UHRF2: variants seen among roughly 807,000 people sequenced by gnomAD.
UHRF2 encodes ubiquitin like with PHD and ring finger domains 2.
In UHRF2, 23 loss-of-function variants were observed where a neutral mutation model predicts 96.8. The observed-to-expected ratio is 0.24, with a 90% CI of 0.17 to 0.34. The LOEUF is 0.34. Among genes scored for constraint, UHRF2 ranks in the 10% least tolerant of loss-of-function variants. The probability of loss-of-function intolerance (pLI) is 1.00; values close to 1 mark genes in which losing one functional copy is unlikely to be tolerated. For missense variants in UHRF2, 685 were observed against 981.5 expected (o/e 0.70, Z 4.04); for synonymous variants, 385 against 332.6 (o/e 1.16, Z -1.72).
At chr9:6,445,057 A>G (rs778989406) in intron 3 of UHRF2, among the ~76,000 whole-genome samples, 13 of 151,392 alleles carry the variant, frequency 8.6e-5, no homozygotes, top group Non-Finnish European at 1.9e-4. Context: ...TTGGGAGACC[A>G]AGGTGGGAGG....
At position 6,498,044 on chromosome 9, in the gene UHRF2, A is replaced by G. The variant is rs780825490; in HGVS notation, c.1794A>G (p.Ser598=). ...YKVVKYWPEI[S]SSHGFLVWRY... ...TGGTGAAATACTGGCCAGAGATTTC[A>G]TCAAGCCATGGATTCTTGGTTTGGC... The change falls in exon 12 of 16, where the codon TCA becomes TCG. Residue 598 remains serine, a synonymous_variant. Coordinates refer to ENST00000276893, the MANE Select transcript of UHRF2 (RefSeq NM_152896.3). The G allele has an allele frequency of 6.2e-7, 1 of 1,613,086 alleles. No individual in the cohort carries two copies.
intron 1 of UHRF2, chr9:6,415,053 T>A (rs1219634178): frequency 6.6e-6 from 1 of 152,256 alleles, no homozygotes; most frequent in East Asian, 1.9e-4. Flanking sequence ...GTTTGATGCA[T>A]TTTATTTTCT....
intron 1 of UHRF2, among the ~76,000 whole-genome samples, chr9:6,416,301 C>CA (rs1202713218): frequency 2.0e-5 from 3 of 152,082 alleles, no homozygotes; most frequent in Non-Finnish European, 2.9e-5. Flanking sequence ...GACAGGACCT[C>CA]AGGTGATGCG....
At chr9:6,461,153 C>G (rs1309675866) in intron 4 of UHRF2, among the ~76,000 whole-genome samples, 2 of 152,106 alleles carry the variant, frequency 1.3e-5, no homozygotes, top group African/African-American at 2.4e-5. Context: ...CAGTGGATGA[C>G]TACTTAACCA....
intron 2 of UHRF2, among the ~76,000 whole-genome samples, chr9:6,424,473 T>G (rs1820126003): frequency 6.6e-6 from 1 of 152,200 alleles, no homozygotes; most frequent in Non-Finnish European, 1.5e-5. Context: ...CTTAATACAT[T>G]TTTTACATTA....
intron 1 of UHRF2, 96 bp from the exon 2 acceptor site, chr9:6,420,816 T>TA: frequency 1.1e-6 from 1 of 940,592 alleles, no homozygotes; most frequent in South Asian, 1.4e-5. Flanking sequence ...ACTGTAGTGC[T>TA]ATGGATTTTA....
At chr9:6,486,389 C>T (rs1014926588) in intron 8 of UHRF2, among the ~76,000 whole-genome samples, 16 of 152,186 alleles carry the variant, frequency 1.1e-4, no homozygotes, top group African/African-American at 3.6e-4. Context: ...GCTAAAATAA[C>T]TCCTGCATTT....
At chr9:6,461,526 C>G (rs1341709656) in intron 4 of UHRF2, among the ~76,000 whole-genome samples, 1 of 151,626 alleles carries the variant, frequency 6.6e-6, no homozygotes, top group Non-Finnish European at 1.5e-5. Context: ...GCGTATGACA[C>G]CACGCCCACC....
At chr9:6,423,300 TAAA>T (rs779970923) in intron 2 of UHRF2, among the ~76,000 whole-genome samples, 14 of 152,196 alleles carry the variant, frequency 9.2e-5, no homozygotes, top group Non-Finnish European at 1.6e-4. Flanking sequence ...ACCTACAACA[TAAA>T]GAAGGAAAGC....
At chr9:6,442,018 T>C (rs1821194731) in intron 3 of UHRF2, among the ~76,000 whole-genome samples, 1 of 152,176 alleles carries the variant, frequency 6.6e-6, no homozygotes. Flanking sequence ...CAGGCTGGAG[T>C]CCAGTGGCAC....
intron 1 of UHRF2, chr9:6,413,925 C>A: frequency 3.6e-6 from 1 of 276,230 alleles, no homozygotes; most frequent in Non-Finnish European, 6.7e-6. Context: ...GGACAGCGGC[C>A]GTAGGCACTG....
chr9:6,430,119 T>C (rs1337948768), intron 2 of UHRF2, among the ~76,000 whole-genome samples: 1 of 152,204 alleles, frequency 6.6e-6, no homozygotes, highest in African/African-American at 2.4e-5. Context: ...CAAGTGATTG[T>C]CCTGCCTCAG....
intron 3 of UHRF2, among the ~76,000 whole-genome samples, chr9:6,455,789 A>AG (rs1822139518): frequency 1.5e-5 from 1 of 64,898 alleles, no homozygotes; most frequent in Non-Finnish European, 3.5e-5. Context: ...GTCTGAGACC[A>AG]GCTGGGCAAC....
chr9:6,430,192 T>G (rs1440064208), intron 2 of UHRF2, among the ~76,000 whole-genome samples: 1 of 152,100 alleles, frequency 6.6e-6, no homozygotes, highest in African/African-American at 2.4e-5. Flanking sequence ...GTACTTTTAG[T>G]AGAGACAGGG....
intron 2 of UHRF2, among the ~76,000 whole-genome samples, chr9:6,425,955 C>T (rs895147574): frequency 2.0e-5 from 3 of 152,138 alleles, no homozygotes; most frequent in African/African-American, 7.2e-5. Flanking sequence ...TACTTTTCAT[C>T]TTTGGCCAGA....
At chr9:6,477,507 CAA>C (rs1047680817) in intron 5 of UHRF2, 113 bp from the exon 6 acceptor site, 31 of 999,556 alleles carry the variant, frequency 3.1e-5, no homozygotes, top group East Asian at 1.6e-4. Context: ...GCCTGGGTAA[CAA>C]GAGCAAAACT....
rs973981261 is a variant in UHRF2, at chr9:6,445,039, C to G, written c.644+10866C>G. ...GTCATGGTGGCTCACACCTGTAATC[C>G]TAGCACTTTGGGAGACCAAGGTGGG... On this transcript the variant is annotated intron_variant, in intron 3 of 15. Transcript: ENST00000276893. Among the ~76,000 whole-genome samples the G allele has an allele frequency of 2.7e-5, 4 of 149,786 alleles. No homozygotes were observed. The South Asian group carries it at 6.3e-4, about 24-fold the overall frequency.
intron 8 of UHRF2, among the ~76,000 whole-genome samples, chr9:6,485,260 T>A (rs1311691019): frequency 6.6e-6 from 1 of 152,246 alleles, no homozygotes; most frequent in African/African-American, 2.4e-5. Flanking sequence ...AAATTGAATA[T>A]ACTACTATAA....
At chr9:6,429,103 C>T (rs1438020779) in intron 2 of UHRF2, among the ~76,000 whole-genome samples, 15 of 151,418 alleles carry the variant, frequency 9.9e-5, no homozygotes, top group Admixed American at 7.2e-4. Context: ...AGGCAGAGGT[C>T]GCAGTGAGCC....
Sources: allele counts gnomAD v4.1 joint callset (sites outside exome capture counted in the v4.1 genomes callset), GRCh38; gene constraint gnomAD v4.1.1; transcripts MANE v1.5; gene names NCBI Gene and HGNC (gene_info 2026-07-23, HGNC 2026-07-21).